PTPRD: variants seen among roughly 807,000 people sequenced by gnomAD.
PTPRD encodes the protein receptor-type tyrosine-protein phosphatase delta.
A neutral mutation model predicts 214.5 loss-of-function variants in PTPRD; 34 were observed. The ratio of observed to expected loss-of-function variants is 0.16; its 90% CI spans 0.12 to 0.21. The LOEUF (loss-of-function observed/expected upper bound fraction) is 0.21. Among genes scored for constraint, PTPRD ranks in the 10% least tolerant of loss-of-function variants. PTPRD has a pLI of 1.00. For missense variants in PTPRD, 2,545 were observed against 2,398.7 expected, an observed-to-expected ratio of 1.06 and a Z score of -1.27; for synonymous variants, 1,128 against 845.7, an observed-to-expected ratio of 1.33 and a Z score of -5.79.
In PTPRD at chr9:8,329,752, G is replaced by GCTGAGCTGCAGTGGACT. The variant is rs1837843844; in HGVS notation, c.5534+1813_5534+1829dup. On this transcript the variant is annotated intron_variant, in intron 44 of 45. Coordinates refer to ENST00000381196, the MANE Select transcript of PTPRD (RefSeq NM_002839.4). The stretch of plus-strand genomic sequence containing the variant: ...GTAATCCAGAGAAGCAGTTGGCCTT[G>GCTGAGCTGCAGTGGACT]CTGAGCTGCAGTGGACTCAGCCCTG... Among the ~76,000 whole-genome samples the GCTGAGCTGCAGTGGACT allele has an allele frequency of 2.0e-5, 3 of 152,132 alleles. No individual in the cohort carries two copies. In the South Asian group the frequency reaches 6.2e-4, roughly 32 times the overall value.
At chr9:9,036,537 A>T (rs541467357) in intron 10 of PTPRD, among the ~76,000 whole-genome samples, 1 of 152,286 alleles carries the variant, frequency 6.6e-6, no homozygotes, top group East Asian at 1.9e-4. Context: ...TTAGTTAATC[A>T]TAATGTGTCA....
At chr9:8,805,823 G>A (rs999260389) in intron 11 of PTPRD, among the ~76,000 whole-genome samples, 6 of 150,912 alleles carry the variant, frequency 4.0e-5, no homozygotes, top group Admixed American at 6.6e-5. Flanking sequence ...GTGAAATCCC[G>A]TCTCTAGTAG....
intron 35 of PTPRD, among the ~76,000 whole-genome samples, chr9:8,407,736 G>A (rs918368173): frequency 2.6e-5 from 4 of 152,086 alleles, no homozygotes; most frequent in African/African-American, 4.8e-5. Context: ...TGCAGCTTAC[G>A]TTTATACTCG....
At chr9:8,381,560 A>G (rs2085090567) in intron 37 of PTPRD, among the ~76,000 whole-genome samples, 1 of 152,146 alleles carries the variant, frequency 6.6e-6, no homozygotes, top group Non-Finnish European at 1.5e-5. Context: ...TTTACTAATC[A>G]CTATTTAGTG....
intron 12 of PTPRD, among the ~76,000 whole-genome samples, chr9:8,663,122 G>A (rs1462255439): frequency 6.6e-6 from 1 of 151,908 alleles, no homozygotes; most frequent in Non-Finnish European, 1.5e-5. Flanking sequence ...TTGAGCTTTT[G>A]AAACTGACTC....
At chr9:9,398,697 T>G (rs2068886848) in intron 8 of PTPRD, among the ~76,000 whole-genome samples, 1 of 152,012 alleles carries the variant, frequency 6.6e-6, no homozygotes, top group African/African-American at 2.4e-5. Flanking sequence ...TGGGAATACA[T>G]TTTATTTTTA....
intron 3 of PTPRD, among the ~76,000 whole-genome samples, chr9:10,071,489 C>A (rs1320181968): frequency 6.6e-6 from 1 of 151,998 alleles, no homozygotes; most frequent in Admixed American, 6.6e-5. Flanking sequence ...GTCAACCCAT[C>A]TTTGAAAAAA....
intron 3 of PTPRD, among the ~76,000 whole-genome samples, chr9:10,261,159 T>C (rs2093677632): frequency 6.6e-6 from 1 of 150,504 alleles, no homozygotes. Context: ...AACTAACTTT[T>C]AAAGACTGGA....
intron 3 of PTPRD, among the ~76,000 whole-genome samples, chr9:10,098,377 A>G (rs1021406340): frequency 2.6e-5 from 4 of 151,356 alleles, no homozygotes; most frequent in African/African-American, 7.3e-5. Flanking sequence ...TAGCATTAGG[A>G]GATATACCTA....
intron 12 of PTPRD, among the ~76,000 whole-genome samples, chr9:8,650,658 T>C (rs978009243): frequency 6.6e-6 from 1 of 151,998 alleles, no homozygotes; most frequent in African/African-American, 2.4e-5. Context: ...TTAAAAAATA[T>C]ACTGAAAAAT....
chr9:9,910,128 C>T (rs2078781718), intron 5 of PTPRD, among the ~76,000 whole-genome samples: 1 of 151,832 alleles, frequency 6.6e-6, no homozygotes, highest in African/African-American at 2.4e-5. Flanking sequence ...TCTGTGAAGG[C>T]AGAGGACAAC....
At chr9:8,918,997 T>A (rs1382502820) in intron 11 of PTPRD, among the ~76,000 whole-genome samples, 1 of 152,140 alleles carries the variant, frequency 6.6e-6, no homozygotes, top group Non-Finnish European at 1.5e-5. Context: ...GAACATAAGT[T>A]TATTTCTGAG....
intron 5 of PTPRD, among the ~76,000 whole-genome samples, chr9:9,924,296 T>C (rs774809095): frequency 6.6e-6 from 1 of 151,970 alleles, no homozygotes; most frequent in Non-Finnish European, 1.5e-5. Flanking sequence ...ACAATTAAGG[T>C]AGTTACCAAA....
chr9:8,485,795 T>C lies in PTPRD; in HGVS notation c.3022A>G (p.Ser1008Gly), dbSNP rs2096989583. 2 of 1,613,682 alleles carry C rather than the reference T, an allele frequency of 1.2e-6. No homozygotes were observed. The highest frequency in any genetic ancestry group is 1.7e-6 in the Non-Finnish European group (2 of 1,179,964). ...TSKGPGPYSP[S>G]VQFRTLPVDQ... ...ACAGGCAGTGTCCTGAACTGGACAC[T>C]GGGACTATATGGCCCGGGCCCTTTG... The change falls in exon 28 of 46, where the codon AGT (serine) becomes GGT (glycine). Residue 1008 changes from serine to glycine, a missense_variant. Transcript: ENST00000381196.
intron 11 of PTPRD, among the ~76,000 whole-genome samples, chr9:8,957,256 C>T (rs560735765): frequency 6.6e-6 from 1 of 151,764 alleles, no homozygotes; most frequent in Non-Finnish European, 1.5e-5. Context: ...CTGGGGCTAC[C>T]TACTCCTCCA....
At chr9:10,565,797 C>A (rs1249725555) in intron 2 of PTPRD, among the ~76,000 whole-genome samples, 1 of 151,908 alleles carries the variant, frequency 6.6e-6, no homozygotes, top group Non-Finnish European at 1.5e-5. Flanking sequence ...TTTACTTCAT[C>A]ACTTTTTCCT....
intron 10 of PTPRD, chr9:9,091,030 G>C: frequency 1.3e-6 from 2 of 1,561,284 alleles, no homozygotes; most frequent in South Asian, 1.1e-5. Flanking sequence ...TCGAAACATA[G>C]TGGAGGCCGC....
intron 2 of PTPRD, among the ~76,000 whole-genome samples, chr9:10,506,284 C>T (rs183088881): frequency 6.6e-6 from 1 of 152,134 alleles, no homozygotes. Flanking sequence ...TTACCATATA[C>T]CTGTTCCCCA....
At chr9:8,368,293 A>G (rs1174660161) in intron 39 of PTPRD, among the ~76,000 whole-genome samples, 2 of 152,200 alleles carry the variant, frequency 1.3e-5, no homozygotes, top group African/African-American at 4.8e-5. Flanking sequence ...TGAGGAAAGT[A>G]ATAATGCACA....
Sources: gnomAD v4.1 joint callset for allele counts (sites outside exome capture counted in the v4.1 genomes callset) on GRCh38, gnomAD v4.1.1 for gene constraint, MANE v1.5 for transcripts, NCBI Gene and HGNC (gene_info 2026-07-23, HGNC 2026-07-21) for gene names.